The following KLF12 variants were observed in gnomAD, a reference collection of about 807,000 sequenced individuals.
KLF12 encodes Krueppel-like factor 12.
In KLF12, 9 loss-of-function variants were observed where a neutral mutation model predicts 37.8. That is an observed-to-expected ratio of 0.24 (90% confidence interval 0.14 to 0.42). The LOEUF (loss-of-function observed/expected upper bound fraction) is 0.42, where lower values mean the gene tolerates loss of function less well. KLF12 is among the 10% of genes least tolerant of loss of function. KLF12 has a pLI of 1.00. For missense variants in KLF12, 411 were observed against 516.0 expected, an observed-to-expected ratio of 0.80 and a Z score of 1.97; for synonymous variants, 208 against 202.1, an observed-to-expected ratio of 1.03 and a Z score of -0.25.
intron 2 of KLF12, among the ~76,000 whole-genome samples, chr13:73,944,916 A>G (rs1054611529): frequency 2.6e-5 from 4 of 152,218 alleles, no homozygotes; most frequent in Non-Finnish European, 4.4e-5. Context: ...ATTTTTAAAC[A>G]TGTTTAGAAT....
At chr13:74,282,689 G>A in the KLF12 span, among the ~76,000 whole-genome samples, 1 of 152,166 alleles carries the variant, frequency 6.6e-6, no homozygotes, top group South Asian at 2.1e-4. Flanking sequence ...GAAGAAGAAA[G>A]AGCAAACCAA....
chr13:74,090,818 T>C (rs939721538), intron 1 of KLF12, among the ~76,000 whole-genome samples: 3 of 151,932 alleles, frequency 2.0e-5, no homozygotes, highest in South Asian at 2.1e-4. Context: ...AACAATGTCA[T>C]TCACAGGACA....
the KLF12 span, among the ~76,000 whole-genome samples, chr13:74,256,051 A>T: frequency 6.6e-6 from 1 of 151,710 alleles, no homozygotes; most frequent in Non-Finnish European, 1.5e-5. Context: ...GCTACTTGGG[A>T]GGCTGAGGCA....
the KLF12 span, among the ~76,000 whole-genome samples, chr13:74,270,962 A>T: frequency 6.6e-6 from 1 of 152,112 alleles, no homozygotes; most frequent in Non-Finnish European, 1.5e-5. Context: ...CCAGGCTGGT[A>T]CCGGTTCATG....
intron 5 of KLF12, among the ~76,000 whole-genome samples, chr13:73,781,788 C>A (rs1594084590): frequency 6.6e-6 from 1 of 152,052 alleles, no homozygotes; most frequent in East Asian, 1.9e-4. Flanking sequence ...ACACAAAGCA[C>A]AGGCCTAAAA....
chr13:73,705,344 G>C (rs1260912464), intron 7 of KLF12, among the ~76,000 whole-genome samples: 4 of 152,202 alleles, frequency 2.6e-5, no homozygotes, highest in African/African-American at 9.6e-5. Context: ...CATGGTCTCA[G>C]CTCACTGCAA....
intron 6 of KLF12, among the ~76,000 whole-genome samples, chr13:73,738,094 T>TAC (rs1419505399): frequency 1.7e-5 from 1 of 59,052 alleles, no homozygotes; most frequent in Non-Finnish European, 3.6e-5. Flanking sequence ...TATGTGTACA[T>TAC]ATATATATAT....
chr13:73,837,309 A>C (rs553056625), intron 4 of KLF12, among the ~76,000 whole-genome samples: 19 of 152,298 alleles, frequency 1.2e-4, no homozygotes, highest in Non-Finnish European at 2.2e-4. Flanking sequence ...AGTTATTATC[A>C]TCGAATCTTA....
At chr13:73,893,868 A>T (rs1353730748) in intron 3 of KLF12, among the ~76,000 whole-genome samples, 3 of 152,222 alleles carry the variant, frequency 2.0e-5, no homozygotes, top group African/African-American at 7.2e-5. Flanking sequence ...AACAGGGAAG[A>T]AGCCAAGATT....
chr13:74,097,677 T>G (rs1348790359), intron 1 of KLF12, among the ~76,000 whole-genome samples: 1 of 151,412 alleles, frequency 6.6e-6, no homozygotes. Flanking sequence ...ACAGAATACT[T>G]GAAAATACAA....
At chr13:74,078,492 C>T (rs565938888) in intron 1 of KLF12, among the ~76,000 whole-genome samples, 1 of 152,296 alleles carries the variant, frequency 6.6e-6, no homozygotes, top group Admixed American at 6.5e-5. Flanking sequence ...AATGGCCATA[C>T]ATTTAACACT....
chr13:73,822,072 T>C (rs1883557945), intron 4 of KLF12, among the ~76,000 whole-genome samples: 1 of 152,242 alleles, frequency 6.6e-6, no homozygotes, highest in African/African-American at 2.4e-5. Context: ...TAAAGTTTAA[T>C]GCAGATCTCT....
intron 1 of KLF12, among the ~76,000 whole-genome samples, chr13:74,024,148 A>G (rs906779835): frequency 2.0e-5 from 3 of 152,232 alleles, no homozygotes; most frequent in Non-Finnish European, 4.4e-5. Context: ...TGTCATATAC[A>G]GGGTTATCAC....
intron 3 of KLF12, among the ~76,000 whole-genome samples, chr13:73,870,928 G>A (rs771144990): frequency 6.6e-6 from 1 of 152,122 alleles, no homozygotes; most frequent in South Asian, 2.1e-4. Context: ...GGGATCAGTG[G>A]GGGGCAGGAA....
At chr13:73,926,880 C>T (rs1406315212) in intron 3 of KLF12, among the ~76,000 whole-genome samples, 1 of 150,216 alleles carries the variant, frequency 6.7e-6, no homozygotes, top group Non-Finnish European at 1.5e-5. Context: ...ACATTCACCC[C>T]ATTTTAGAAG....
chr13:74,279,896 T>G, the KLF12 span, among the ~76,000 whole-genome samples: 4 of 152,154 alleles, frequency 2.6e-5, no homozygotes, highest in Non-Finnish European at 5.9e-5. Context: ...TTGGGCAAAT[T>G]TATGAGAGAA....
chr13:73,991,070 A>G (rs1891957212), intron 2 of KLF12, among the ~76,000 whole-genome samples: 2 of 152,278 alleles, frequency 1.3e-5, no homozygotes, highest in East Asian at 1.9e-4. Context: ...AAATCTCTGC[A>G]TATCATTTTG....
intron 3 of KLF12, among the ~76,000 whole-genome samples, chr13:73,856,182 A>G (rs1885597652): frequency 6.6e-6 from 1 of 152,198 alleles, no homozygotes; most frequent in Non-Finnish European, 1.5e-5. Context: ...AGGCAGGCAC[A>G]GGGAGGCAGA....
At chr13:74,198,493 T>G in the KLF12 span, among the ~76,000 whole-genome samples, 1 of 143,400 alleles carries the variant, frequency 7.0e-6, no homozygotes, top group Middle Eastern at 3.8e-3. Context: ...CTGTTAGACC[T>G]TCCATCTACA....
Sources: allele counts gnomAD v4.1 joint callset (sites outside exome capture counted in the v4.1 genomes callset), GRCh38; gene constraint gnomAD v4.1.1; transcripts MANE v1.5; gene names NCBI Gene and HGNC (gene_info 2026-07-23, HGNC 2026-07-21).